PTPRN2: variants seen among roughly 807,000 people sequenced by gnomAD.
PTPRN2 encodes receptor-type tyrosine-protein phosphatase N2.
A neutral mutation model predicts 118.8 loss-of-function variants in PTPRN2; 74 were observed. The ratio of observed to expected loss-of-function variants is 0.62; its 90% CI spans 0.52 to 0.76. PTPRN2 has a LOEUF of 0.76. PTPRN2 is among the 30% of genes least tolerant of loss of function. The probability of loss-of-function intolerance (pLI) is 0.00; values close to 1 mark genes in which losing one functional copy is unlikely to be tolerated. For synonymous variants in PTPRN2, 641 were observed against 608.0 expected (o/e 1.05, Z -0.80); for missense variants, 1,481 against 1,394.4 (o/e 1.06, Z -0.99).
At chr7:157,718,974 T>C (rs916479407) in intron 12 of PTPRN2, among the ~76,000 whole-genome samples, 10 of 150,856 alleles carry the variant, frequency 6.6e-5, no homozygotes, top group Non-Finnish European at 1.2e-4. Context: ...CATTGCCCTG[T>C]TTCTTGGGCA....
Position 158,587,745 on chromosome 7 carries a change from G to C in PTPRN2, c.-76C>G. On this transcript the variant is annotated 5_prime_UTR_variant, in exon 1 of 23. Transcript: ENST00000389418. ...GGGAGGCGGCCGAGTCCGGGCCCAGGGAGGCGCGCGCCGCCGGCTCCTCCC... is the reference window on the plus strand; with the variant it reads ...GGGAGGCGGCCGAGTCCGGGCCCAGCGAGGCGCGCGCCGCCGGCTCCTCCC... The C allele has an allele frequency of 9.2e-7, 1 of 1,081,292 alleles. No homozygotes were observed. Among genetic ancestry groups the C allele is most frequent in the Admixed American group, 5.3e-5 (1 of 18,808 alleles). 67.0% of individuals were successfully genotyped at this position (1,081,292 alleles called of 1,614,324 possible). A position where few individuals can be genotyped will look rare whatever the true frequency, so the allele number is the denominator to read the frequency against.
At chr7:157,699,468 C>T (rs1585261171) in intron 12 of PTPRN2, among the ~76,000 whole-genome samples, 1 of 152,282 alleles carries the variant, frequency 6.6e-6, no homozygotes, top group Admixed American at 6.5e-5. Flanking sequence ...GAGTCTTGCT[C>T]TGTCACCCAG....
intron 2 of PTPRN2, among the ~76,000 whole-genome samples, chr7:158,354,343 G>C (rs1027071282): frequency 2.1e-4 from 32 of 152,128 alleles, no homozygotes; most frequent in African/African-American, 6.3e-4. Flanking sequence ...CGGGACCATG[G>C]CCTCCCCAAA....
intron 3 of PTPRN2, among the ~76,000 whole-genome samples, chr7:158,300,670 A>G (rs1800829731): frequency 7.2e-6 from 1 of 138,648 alleles, no homozygotes; most frequent in Non-Finnish European, 1.6e-5. Flanking sequence ...GCAAACCACA[A>G]AGTGCAACAG....
chr7:158,268,409 AGTGT>A (rs139919718), intron 3 of PTPRN2, among the ~76,000 whole-genome samples: 49 of 82,950 alleles, frequency 5.9e-4, no homozygotes, highest in African/African-American at 2.2e-3. Flanking sequence ...ACACAGGGCG[AGTGT>A]GTAATATCCC....
intron 1 of PTPRN2, among the ~76,000 whole-genome samples, chr7:158,523,776 G>A (rs1177600739): frequency 1.6e-5 from 1 of 61,526 alleles, no homozygotes; most frequent in African/African-American, 6.5e-5. Flanking sequence ...ACCCTGGAGT[G>A]GAGTCTGCCC....
At chr7:158,012,528 G>A (rs975426082) in intron 11 of PTPRN2, among the ~76,000 whole-genome samples, 6 of 152,228 alleles carry the variant, frequency 3.9e-5, no homozygotes, top group Non-Finnish European at 5.9e-5. Context: ...GAGTGGGTAC[G>A]GAGGCATGGG....
chr7:158,168,936 T>C (rs1257247247), intron 5 of PTPRN2, among the ~76,000 whole-genome samples: 3 of 152,206 alleles, frequency 2.0e-5, no homozygotes, highest in Admixed American at 2.0e-4. Flanking sequence ...TTAGAGACTT[T>C]CGAATCCTGG....
At chr7:158,345,945 CGTG>C (rs1489979990) in intron 2 of PTPRN2, among the ~76,000 whole-genome samples, 37 of 152,196 alleles carry the variant, frequency 2.4e-4, no homozygotes, top group African/African-American at 8.9e-4. Flanking sequence ...ACGAGAACAG[CGTG>C]GTGGAAACCA....
At chr7:158,263,651 C>T (rs532314524) in intron 3 of PTPRN2, among the ~76,000 whole-genome samples, 42 of 152,344 alleles carry the variant, frequency 2.8e-4, no homozygotes, top group Non-Finnish European at 4.9e-4. Flanking sequence ...CCGGGCATTC[C>T]AGCTCCTGGC....
chr7:158,396,527 CGAGT>C (rs922760330), intron 2 of PTPRN2, among the ~76,000 whole-genome samples: 8 of 152,040 alleles, frequency 5.3e-5, no homozygotes, highest in African/African-American at 1.9e-4. Flanking sequence ...CCCTCCTCGC[CGAGT>C]GAGTTTTGTG....
In PTPRN2 at chr7:157,596,056, G is replaced by A. The variant is rs1801320485; in HGVS notation, c.2419-741C>T. On this transcript the variant is annotated intron_variant, in intron 16 of 22. Coordinates refer to ENST00000389418, the MANE Select transcript of PTPRN2 (RefSeq NM_002847.5). This position sits in a 1 kb window ranked among gnomAD's most constrained non-coding sequence, Gnocchi z 4.2. ...GGCTGCCCTGTGTTCAGGAGAACGA[G>A]CCTCTTGCTAGAGCCACAGGGCTGG... is the stretch of plus-strand genomic sequence containing the variant. Among the ~76,000 whole-genome samples the A allele has an allele frequency of 6.6e-6, 1 of 152,240 alleles. No individual in the cohort carries two copies. The highest frequency in any genetic ancestry group is 2.4e-5 in the African/African-American group (1 of 41,468).
chr7:157,958,456 A>G (rs1286368642), intron 11 of PTPRN2, among the ~76,000 whole-genome samples: 1 of 152,194 alleles, frequency 6.6e-6, no homozygotes, highest in Non-Finnish European at 1.5e-5. Flanking sequence ...AAGACATAAA[A>G]TTGTTTCTGT....
chr7:158,382,696 G>A (rs891157692), intron 2 of PTPRN2, among the ~76,000 whole-genome samples: 19 of 152,154 alleles, frequency 1.2e-4, no homozygotes, highest in Non-Finnish European at 2.1e-4. Context: ...AGGGACAGAA[G>A]CTGCACACTC....
rs754983305 is a variant in PTPRN2 at position 158,417,876 on chromosome 7, CCT to C, written c.163+71857_163+71858del. Among the ~76,000 whole-genome samples the C allele has an allele frequency of 4.5e-4, 45 of 100,340 alleles. No homozygotes were observed. In the South Asian group the frequency reaches 0.013, roughly 30 times the overall value. 65.8% of individuals were successfully genotyped at this position (100,340 alleles called of 152,430 possible). A position where few individuals can be genotyped will look rare whatever the true frequency, so the allele number is the denominator to read the frequency against. ...GAGATGCTCTAGCTCTCCGTGTCCCCCTGTGTTAAGTCATGGTGTACTACATC... is the reference window on the plus strand; with the variant it reads ...GAGATGCTCTAGCTCTCCGTGTCCCCGTGTTAAGTCATGGTGTACTACATC... On this transcript the variant is annotated intron_variant, in intron 2 of 22. Coordinates refer to ENST00000389418, the MANE Select transcript of PTPRN2 (RefSeq NM_002847.5).
chr7:157,994,431 CCA>C (rs1168717829), intron 11 of PTPRN2, among the ~76,000 whole-genome samples: 1 of 152,154 alleles, frequency 6.6e-6, no homozygotes, highest in Non-Finnish European at 1.5e-5. Flanking sequence ...CCTGTGTTTC[CCA>C]CAGTCATTGG....
At chr7:157,744,251 G>A (rs369750997) in intron 12 of PTPRN2, among the ~76,000 whole-genome samples, 1 of 152,170 alleles carries the variant, frequency 6.6e-6, no homozygotes, top group Non-Finnish European at 1.5e-5. Flanking sequence ...GGTGGGCTGG[G>A]GGTCAGCTGG....
intron 11 of PTPRN2, among the ~76,000 whole-genome samples, chr7:157,972,677 C>T (rs1432784032): frequency 4.3e-5 from 6 of 138,094 alleles, no homozygotes; most frequent in African/African-American, 1.4e-4. Context: ...CTCCACACCA[C>T]GAGAGCAGGG....
chr7:157,544,971 C>A (rs1798212306), intron 22 of PTPRN2, among the ~76,000 whole-genome samples: 1 of 138,094 alleles, frequency 7.2e-6, no homozygotes, highest in Non-Finnish European at 1.5e-5. Flanking sequence ...TGGGGGTGTG[C>A]ACAGCTGTGC....
Sources: allele counts gnomAD v4.1 joint callset (sites outside exome capture counted in the v4.1 genomes callset), GRCh38; gene constraint gnomAD v4.1.1; non-coding constraint Gnocchi (gnomAD v3.1); transcripts MANE v1.5; gene names NCBI Gene and HGNC (gene_info 2026-07-23, HGNC 2026-07-21).